The following MGAT5 variants were observed in gnomAD, a reference collection of about 807,000 sequenced individuals.
The protein encoded by MGAT5 is alpha-1,6-mannosylglycoprotein 6-beta-N-acetylglucosaminyltransferase A.
In MGAT5, 30 loss-of-function variants were observed where a neutral mutation model predicts 94.3. The observed-to-expected ratio is 0.32, with a 90% CI of 0.24 to 0.43. The LOEUF (loss-of-function observed/expected upper bound fraction) is 0.43, where lower values mean the gene tolerates loss of function less well. Among genes scored for constraint, MGAT5 ranks in the 20% least tolerant of loss-of-function variants. MGAT5 has a pLI of 1.00. For missense variants in MGAT5, 691 were observed against 905.5 expected, an observed-to-expected ratio of 0.76 and a Z score of 3.04; for synonymous variants, 310 against 322.9, an observed-to-expected ratio of 0.96 and a Z score of 0.43.
chr2:134,395,989 G>T (rs3943689), intron 10 of MGAT5, among the ~76,000 whole-genome samples: 145,996 of 152,292 alleles, frequency 0.96, 70,156 homozygotes, highest in South Asian at 1. Flanking sequence ...CTCTTTTTAG[G>T]GCCTGTGGGC....
chr2:134,351,449 A>G (rs562165832), intron 9 of MGAT5, among the ~76,000 whole-genome samples: 61 of 152,124 alleles, frequency 4.0e-4, no homozygotes, highest in Non-Finnish European at 8.1e-4. Context: ...CCTACAAGAG[A>G]TAGAGTTTCC....
At chr2:134,120,719 T>TGGGCC (rs1214367002) in intron 1 of MGAT5, among the ~76,000 whole-genome samples, 20 of 150,932 alleles carry the variant, frequency 1.3e-4, no homozygotes, top group African/African-American at 4.4e-4. Flanking sequence ...GCCGCAGGCG[T>TGGGCC]GGGCCGGGCC....
chr2:134,427,651 A>T (rs1684663680), intron 13 of MGAT5, among the ~76,000 whole-genome samples: 1 of 152,212 alleles, frequency 6.6e-6, no homozygotes, highest in Non-Finnish European at 1.5e-5. Flanking sequence ...TTCACCAAGG[A>T]TGTCTTCAGC....
At chr2:134,428,750 C>T (rs1238353911) in intron 14 of MGAT5, among the ~76,000 whole-genome samples, 1 of 152,214 alleles carries the variant, frequency 6.6e-6, no homozygotes, top group Non-Finnish European at 1.5e-5. Flanking sequence ...GGCCCATTCT[C>T]ACCTTAAGAA....
chr2:134,160,045 T>G (rs1188942129), intron 1 of MGAT5, among the ~76,000 whole-genome samples: 1 of 152,214 alleles, frequency 6.6e-6, no homozygotes, highest in Admixed American at 6.5e-5. Context: ...ATTCCTCAGC[T>G]GGCTGCTGCT....
At chr2:134,233,508 T>C (rs1286769331) in intron 1 of MGAT5, among the ~76,000 whole-genome samples, 6 of 152,236 alleles carry the variant, frequency 3.9e-5, no homozygotes, top group Non-Finnish European at 7.3e-5. Context: ...CACACAGATA[T>C]GCTTACATCC....
At chr2:134,175,675 C>T (rs752568906) in intron 1 of MGAT5, among the ~76,000 whole-genome samples, 4 of 152,336 alleles carry the variant, frequency 2.6e-5, no homozygotes, top group Non-Finnish European at 4.4e-5. Flanking sequence ...CTGATGCTGT[C>T]TCCACATCCT....
At chr2:134,320,372 AT>A (rs5834405) in intron 4 of MGAT5, among the ~76,000 whole-genome samples, 25,812 of 147,484 alleles carry the variant, frequency 0.18, 2,305 homozygotes, top group Middle Eastern at 0.38. Flanking sequence ...CAGCTTTTGT[AT>A]TTTTTTTTTT....
chr2:134,171,157 G>A (rs1688190135), intron 1 of MGAT5, among the ~76,000 whole-genome samples: 1 of 152,058 alleles, frequency 6.6e-6, no homozygotes, highest in Non-Finnish European at 1.5e-5. Context: ...CACTGTGTCC[G>A]GCCGAGATAT....
chr2:134,337,897 C>T (rs1161992042), intron 5 of MGAT5, among the ~76,000 whole-genome samples: 3 of 152,172 alleles, frequency 2.0e-5, no homozygotes, highest in Non-Finnish European at 4.4e-5. Context: ...TAGAAGTCTG[C>T]TGTCCTGTGG....
intron 1 of MGAT5, among the ~76,000 whole-genome samples, chr2:134,263,205 A>G (rs1056544663): frequency 6.6e-6 from 1 of 152,228 alleles, no homozygotes; most frequent in African/African-American, 2.4e-5. Context: ...TCTATAAAAA[A>G]GGCTAAAATT....
intron 2 of MGAT5, among the ~76,000 whole-genome samples, chr2:134,281,765 G>A (rs1298698661): frequency 6.6e-6 from 1 of 152,222 alleles, no homozygotes; most frequent in African/African-American, 2.4e-5. Context: ...CTCAAGGGAA[G>A]ACAGTCATTA....
chr2:134,273,020 T>TGCGCGCGC (rs756429675), intron 2 of MGAT5, among the ~76,000 whole-genome samples: 2 of 149,604 alleles, frequency 1.3e-5, no homozygotes, highest in Non-Finnish European at 3.0e-5. Flanking sequence ...TGTGTGTGTG[T>TGCGCGCGC]GCGCGCGCGC....
At chr2:134,197,694 A>G (rs1679565336) in intron 1 of MGAT5, among the ~76,000 whole-genome samples, 1 of 152,240 alleles carries the variant, frequency 6.6e-6, no homozygotes, top group South Asian at 2.1e-4. Flanking sequence ...AACCTCAAAC[A>G]ATACTGATTT....
chr2:134,377,617 A>G (rs1204516554), intron 10 of MGAT5, among the ~76,000 whole-genome samples: 1 of 152,198 alleles, frequency 6.6e-6, no homozygotes, highest in African/African-American at 2.4e-5. Context: ...CTTTCTGTCA[A>G]AGTCACACAA....
intron 10 of MGAT5, among the ~76,000 whole-genome samples, chr2:134,373,336 G>T (rs16830504): frequency 6.6e-6 from 1 of 152,124 alleles, no homozygotes; most frequent in African/African-American, 2.4e-5. Flanking sequence ...TGTGTGGAAG[G>T]CTGTTAGAAA....
chr2:134,332,757 A>G (rs1181175989), intron 4 of MGAT5, among the ~76,000 whole-genome samples: 8 of 152,184 alleles, frequency 5.3e-5, no homozygotes, highest in African/African-American at 1.9e-4. Flanking sequence ...AAACAACCCC[A>G]TCAAAAAGTG....
intron 1 of MGAT5, among the ~76,000 whole-genome samples, chr2:134,236,349 A>C (rs979834503): frequency 1.3e-5 from 2 of 151,492 alleles, no homozygotes; most frequent in South Asian, 4.2e-4. Flanking sequence ...TCTCCATGAA[A>C]CCTCTTGAGG....
chr2:134,197,759 G>T (rs1679568239), intron 1 of MGAT5, among the ~76,000 whole-genome samples: 1 of 152,172 alleles, frequency 6.6e-6, no homozygotes, highest in East Asian at 1.9e-4. Flanking sequence ...TGGCATTTCT[G>T]CCTGCTAAAG....
Sources: allele counts gnomAD v4.1 joint callset (sites outside exome capture counted in the v4.1 genomes callset), GRCh38; gene constraint gnomAD v4.1.1; transcripts MANE v1.5; gene names NCBI Gene and HGNC (gene_info 2026-07-23, HGNC 2026-07-21).